Variants in SPAG16 observed in about 807,000 individuals in gnomAD.
SPAG16 encodes the protein sperm associated antigen 16, also known as sperm-associated antigen 16 protein.
Under a neutral mutation model 80.4 loss-of-function variants are expected in SPAG16, and 86 were observed. That is an observed-to-expected ratio of 1.07 (90% CI 0.90 to 1.28). The LOEUF (loss-of-function observed/expected upper bound fraction) is 1.28, where lower values mean the gene tolerates loss of function less well. Among genes scored for constraint, SPAG16 ranks in the 50% most tolerant of loss-of-function variants. The pLI, the probability that SPAG16 is intolerant of heterozygous loss-of-function variation, is 0.00. For synonymous variants in SPAG16, 294 were observed against 265.9 expected (o/e 1.11, Z -1.03); for missense variants, 870 against 765.3 (o/e 1.14, Z -1.61).
At chr2:213,983,757 C>T (rs1169760217) in intron 12 of SPAG16, among the ~76,000 whole-genome samples, 1 of 151,890 alleles carries the variant, frequency 6.6e-6, no homozygotes, top group East Asian at 1.9e-4. Flanking sequence ...GTATTGTGTA[C>T]CATCACAATA....
chr2:213,365,871 G>A (rs1011454722), intron 8 of SPAG16, among the ~76,000 whole-genome samples: 2 of 151,922 alleles, frequency 1.3e-5, no homozygotes, highest in Non-Finnish European at 2.9e-5. Context: ...GGCCGGGCAC[G>A]GTGGCTCACG....
At chr2:214,196,725 C>T (rs2057851242) in intron 15 of SPAG16, among the ~76,000 whole-genome samples, 1 of 151,922 alleles carries the variant, frequency 6.6e-6, no homozygotes, top group African/African-American at 2.4e-5. Context: ...AGGAAAATTT[C>T]TTAATTTAAT....
chr2:213,926,069 T>A (rs1458981484), intron 11 of SPAG16, among the ~76,000 whole-genome samples: 1 of 152,166 alleles, frequency 6.6e-6, no homozygotes, highest in Non-Finnish European at 1.5e-5. Flanking sequence ...TCTCAACCCT[T>A]AATTCTTTGA....
At chr2:213,292,301 G>A (rs1485257169) in intron 1 of SPAG16, among the ~76,000 whole-genome samples, 4 of 152,140 alleles carry the variant, frequency 2.6e-5, no homozygotes, top group African/African-American at 9.7e-5. Flanking sequence ...CTCAGAAGGG[G>A]TCATGCTTTT....
intron 10 of SPAG16, among the ~76,000 whole-genome samples, chr2:213,742,709 G>A (rs2067622664): frequency 6.6e-6 from 1 of 151,028 alleles, no homozygotes; most frequent in Non-Finnish European, 1.5e-5. Flanking sequence ...CCACCACCAC[G>A]CCTGGCTAAT....
chr2:213,627,287 CA>C (rs2061995138), intron 10 of SPAG16, among the ~76,000 whole-genome samples: 1 of 152,118 alleles, frequency 6.6e-6, no homozygotes, highest in South Asian at 2.1e-4. Flanking sequence ...GCAAAAGAGG[CA>C]ATAAATTACA....
At chr2:213,838,095 A>G (rs780910520) in intron 10 of SPAG16, among the ~76,000 whole-genome samples, 9 of 151,954 alleles carry the variant, frequency 5.9e-5, no homozygotes, top group Non-Finnish European at 1.0e-4. Flanking sequence ...TAGGCATCAT[A>G]TTCATGATCA....
chr2:213,286,979 C>A (rs1315113980), intron 1 of SPAG16, among the ~76,000 whole-genome samples: 1 of 152,210 alleles, frequency 6.6e-6, no homozygotes, highest in Non-Finnish European at 1.5e-5. Flanking sequence ...ACACCCTTTC[C>A]CTGTAATCTC....
At chr2:213,516,577 G>C (rs1228531236) in intron 10 of SPAG16, among the ~76,000 whole-genome samples, 1 of 151,922 alleles carries the variant, frequency 6.6e-6, no homozygotes, top group Non-Finnish European at 1.5e-5. Context: ...TTTAGCTATT[G>C]ATATGTGCCA....
chr2:214,304,600 T>TGAAGGCTGTGAGA (rs947401211), intron 15 of SPAG16, among the ~76,000 whole-genome samples: 1 of 152,212 alleles, frequency 6.6e-6, no homozygotes, highest in African/African-American at 2.4e-5. Flanking sequence ...CTCTCAACTC[T>TGAAGGCTGTGAGA]GAAGGCTGTG....
At chr2:214,342,905 G>T (rs1697804064) in intron 15 of SPAG16, among the ~76,000 whole-genome samples, 1 of 152,076 alleles carries the variant, frequency 6.6e-6, no homozygotes, top group African/African-American at 2.4e-5. Context: ...ATAAAGTTGG[G>T]TGTACTGTTT....
chr2:213,408,020 G>GA (rs2068757573), intron 9 of SPAG16, among the ~76,000 whole-genome samples: 1 of 149,852 alleles, frequency 6.7e-6, no homozygotes, highest in Admixed American at 6.6e-5. Flanking sequence ...GAGAGGCAGA[G>GA]AGAGACAGGA....
rs144873373 is a variant in SPAG16 at position 214,334,665 on chromosome 2, A to G, written c.1721-75475A>G. Among the ~76,000 whole-genome samples, 385 of 152,328 alleles carry G rather than the reference A, an allele frequency of 2.5e-3. 1 individual carries two copies. Among genetic ancestry groups the G allele is most frequent in the African/African-American group, 8.7e-3 (362 of 41,572 alleles). ...TCCCTGGAATCCAGCAATAGCCATGAGGTTTCAGAGTCCTTCTAATGGCTA... is the reference window on the plus strand; with the variant it reads ...TCCCTGGAATCCAGCAATAGCCATGGGGTTTCAGAGTCCTTCTAATGGCTA... On this transcript the variant is annotated intron_variant, in intron 15 of 15. Coordinates refer to ENST00000331683, the MANE Select transcript of SPAG16 (RefSeq NM_024532.5).
intron 10 of SPAG16, among the ~76,000 whole-genome samples, chr2:213,768,162 G>T (rs2069043397): frequency 6.6e-6 from 1 of 152,106 alleles, no homozygotes; most frequent in African/African-American, 2.4e-5. Context: ...GTGTACTCTG[G>T]GGTCTAAACA....
intron 13 of SPAG16, among the ~76,000 whole-genome samples, chr2:214,061,880 A>G (rs571973509): frequency 6.6e-6 from 1 of 152,124 alleles, no homozygotes; most frequent in Admixed American, 6.6e-5. Context: ...GAGCTATAGG[A>G]GGAATTTTAA....
At chr2:213,846,260 A>G (rs1243562689) in intron 10 of SPAG16, among the ~76,000 whole-genome samples, 1 of 152,154 alleles carries the variant, frequency 6.6e-6, no homozygotes, top group Non-Finnish European at 1.5e-5. Flanking sequence ...AAGCCTGTTT[A>G]GAAAGATTGA....
At chr2:213,705,832 A>T (rs147117095) in intron 10 of SPAG16, among the ~76,000 whole-genome samples, 3 of 152,214 alleles carry the variant, frequency 2.0e-5, no homozygotes, top group African/African-American at 7.2e-5. Flanking sequence ...AAGAAGCATT[A>T]AGCAAGCTCC....
intron 12 of SPAG16, among the ~76,000 whole-genome samples, chr2:213,952,428 TATAA>T (rs775608134): frequency 6.6e-6 from 1 of 151,946 alleles, no homozygotes; most frequent in Non-Finnish European, 1.5e-5. Context: ...AATAAAAACA[TATAA>T]ATAAAAGAAT....
chr2:213,332,593 G>A (rs1010451132), intron 5 of SPAG16, among the ~76,000 whole-genome samples: 2 of 151,994 alleles, frequency 1.3e-5, no homozygotes, highest in South Asian at 4.2e-4. Flanking sequence ...AAAACCACAG[G>A]CCAGTATCTC....
Sources: allele counts gnomAD v4.1 joint callset (sites outside exome capture counted in the v4.1 genomes callset), GRCh38; gene constraint gnomAD v4.1.1; transcripts MANE v1.5; gene names NCBI Gene and HGNC (gene_info 2026-07-23, HGNC 2026-07-21).